Variants in SYNGR4 observed in about 807,000 individuals in gnomAD.
SYNGR4 encodes synaptogyrin-4.
A neutral mutation model predicts 15.5 loss-of-function variants in SYNGR4; 15 were observed. That is an observed-to-expected ratio of 0.97 (90% confidence interval 0.65 to 1.49). SYNGR4 has a LOEUF of 1.49. Among genes scored for constraint, SYNGR4 ranks in the 40% most tolerant of loss-of-function variants. SYNGR4 has a pLI of 0.00. For synonymous variants in SYNGR4, 121 were observed against 127.4 expected (o/e 0.95, Z 0.34); for missense variants, 292 against 299.3 (o/e 0.98, Z 0.18).
intron 2 of SYNGR4, chr19:48,373,189 T>G: frequency 9.4e-6 from 3 of 319,662 alleles, no homozygotes; most frequent in Non-Finnish European, 6.1e-6. Flanking sequence ...TGGGGAGCCA[T>G]GAGGGGCTGT....
chr19:48,369,999 G>C (rs985817782), intron 2 of SYNGR4, among the ~76,000 whole-genome samples: 1 of 152,178 alleles, frequency 6.6e-6, no homozygotes, highest in Non-Finnish European at 1.5e-5. Flanking sequence ...GGGTGTTGCT[G>C]CTGTTGTTGT....
rs113410208 is a variant in SYNGR4, at chr19:48,365,277, A to ACCCCCCC, written c.-107-459_-107-458insCCCCCCC. ...CACCACACACAACCCCATTCCTGGG[A>ACCCCCCC]ACCCCCAGCACCCGCATCCTATGTC... On this transcript the variant is annotated intron_variant, in intron 1 of 4. Transcript: ENST00000344846. Among the ~76,000 whole-genome samples, 3 of 91,040 alleles carry ACCCCCCC rather than the reference A, an allele frequency of 3.3e-5. 1 individual carries two copies. The highest frequency in any genetic ancestry group is 6.1e-5 in the Non-Finnish European group (3 of 48,880). The allele number at this position is 91,040 out of a possible 152,430, so 59.7% of individuals were successfully genotyped here. A position where few individuals can be genotyped will look rare whatever the true frequency, so the allele number is the denominator to read the frequency against.
intron 2 of SYNGR4, among the ~76,000 whole-genome samples, chr19:48,366,215 A>T (rs931423118): frequency 3.3e-5 from 5 of 151,578 alleles, no homozygotes; most frequent in African/African-American, 9.7e-5. Context: ...AGTTAAGTAA[A>T]TTTTTTTTCT....
chr19:48,364,892 C>T (rs1295746886), intron 1 of SYNGR4, among the ~76,000 whole-genome samples: 4 of 151,958 alleles, frequency 2.6e-5, no homozygotes, highest in African/African-American at 9.7e-5. Context: ...GGTCACAAGA[C>T]GTGGTCCCCA....
chr19:48,366,878 G>T (rs372616646), intron 2 of SYNGR4, among the ~76,000 whole-genome samples: 42 of 152,142 alleles, frequency 2.8e-4, no homozygotes, highest in African/African-American at 9.4e-4. Flanking sequence ...TACAGGCTGG[G>T]TGTGGTGGTT....
In SYNGR4 at chr19:48,365,900, A is replaced by G. The variant is rs751537752; in HGVS notation, c.58A>G (p.Arg20Gly). ...LANSEAVQFL[R>G]RPKTITRVFE... ...CAACAGCGAAGCCGTGCAGTTTCTG[A>G]GAAGGCCCAAGACCATCACGCGGGT... Residue 20 changes from arginine (R) to glycine (G), a missense_variant, in exon 2 of 5, where the codon AGA becomes GGA. Transcript: ENST00000344846. 10 of 1,613,916 alleles carry G rather than the reference A, an allele frequency of 6.2e-6. No homozygotes were observed. In the Admixed American group the frequency reaches 1.2e-4, roughly 19 times the overall value.
chr19:48,375,626 T>C lies in SYNGR4; in HGVS notation c.345T>C (p.Val115=), dbSNP rs761579369. 234 of 1,613,650 alleles carry C rather than the reference T, an allele frequency of 1.5e-4. No individual in the cohort carries two copies. Among genetic ancestry groups the C allele is most frequent in the Non-Finnish European group, 1.9e-4 (228 of 1,179,720 alleles). The change falls in exon 4 of 5, where the codon GTT becomes GTC. Residue 115 remains valine, a synonymous_variant. Coordinates refer to ENST00000344846, the MANE Select transcript of SYNGR4 (RefSeq NM_012451.4). ...LDFILAVLWA[V]VWFMGFCFLA... The stretch of plus-strand genomic sequence containing the variant: ...GTGACGCCACAGTTCTCTGGGCAGT[T>C]GTCTGGTTCATGGGTTTCTGCTTCC...
intron 2 of SYNGR4, among the ~76,000 whole-genome samples, chr19:48,368,577 A>G (rs2147403359): frequency 6.6e-6 from 1 of 152,212 alleles, no homozygotes; most frequent in Non-Finnish European, 1.5e-5. Context: ...ATGGGGTTTC[A>G]CCATGTTGGC....
In SYNGR4 at chr19:48,373,555, CG is replaced by C. The variant is rs745700005; in HGVS notation, c.134del (p.Gly45AlafsTer143). On this transcript the variant is annotated frameshift_variant, in exon 3 of 5. Coordinates refer to ENST00000344846, the MANE Select transcript of SYNGR4 (RefSeq NM_012451.4). LOFTEE classifies it high-confidence loss of function. ...LIVFSSLLTD[G>X]YQNKMESPQL... ...TCGTCTTCTCCTCCCTGCTGACCGA[CG>C]GCTACCAGAACAAGATGGAGTCTCC... 26 of 1,613,718 alleles carry C rather than the reference CG, an allele frequency of 1.6e-5. No individual in the cohort carries two copies. The highest frequency in any genetic ancestry group is 1.2e-4 in the Admixed American group (7 of 59,998).
chr19:48,370,243 T>A (rs1264889314), intron 2 of SYNGR4, among the ~76,000 whole-genome samples: 1 of 152,112 alleles, frequency 6.6e-6, no homozygotes, highest in African/African-American at 2.4e-5. Flanking sequence ...CCCAACACTT[T>A]GGGAGGCCAA....
Position 48,376,310 on chromosome 19 carries a change from G to A in SYNGR4, c.697G>A (p.Asp233Asn). 6.2e-7 allele frequency: 1 copy of A among 1,612,588 alleles called. No homozygotes were observed. The highest frequency in any genetic ancestry group is 8.5e-7 in the Non-Finnish European group (1 of 1,179,608). Residue 233 changes from aspartate to asparagine, a missense_variant, in exon 5 of 5, where the codon GAC becomes AAC. Coordinates refer to ENST00000344846, the MANE Select transcript of SYNGR4 (RefSeq NM_012451.4). ...GTCCCCCCGGCTTGCTATGATGCCT[G>A]ACAACTAAATATCCTTATCCAAATC... Reference protein sequence around the residue: ...PKSPRLAMMPDN With the variant: ...PKSPRLAMMPNN
intron 4 of SYNGR4, 42 bp from the exon 5 acceptor site, chr19:48,376,043 C>T (rs1462001795): frequency 6.2e-7 from 1 of 1,613,820 alleles, no homozygotes. Flanking sequence ...CCTGACCTGC[C>T]CAGCCCAAGT....
At chr19:48,372,518 C>T (rs1401387357) in intron 2 of SYNGR4, among the ~76,000 whole-genome samples, 2 of 151,398 alleles carry the variant, frequency 1.3e-5, no homozygotes, top group Non-Finnish European at 1.5e-5. Context: ...GGCATGGTGG[C>T]GGGTGCCTGT....
In SYNGR4 at chr19:48,364,431, C is replaced by G. The variant is rs1970154303; in HGVS notation, c.-214C>G. 6.3e-6 allele frequency: 1 copy of G among 158,744 alleles called. No individual in the cohort carries two copies. 9.8% of individuals were successfully genotyped at this position (158,744 alleles called of 1,614,324 possible). ...AGGAAGGGCGGGCCCTCAGGTGACG[C>G]AGATTGGCCCTCCAGAGAAGGGGCG... On this transcript the variant is annotated 5_prime_UTR_variant, in exon 1 of 5. Coordinates refer to ENST00000344846, the MANE Select transcript of SYNGR4 (RefSeq NM_012451.4).
intron 2 of SYNGR4, among the ~76,000 whole-genome samples, chr19:48,367,594 G>A (rs945644633): frequency 3.3e-5 from 5 of 152,248 alleles, no homozygotes; most frequent in South Asian, 2.1e-4. Context: ...CCAGTTGAGG[G>A]AGGAGGAGAA....
chr19:48,375,174 C>T (rs1227618497), intron 3 of SYNGR4, among the ~76,000 whole-genome samples: 13 of 151,814 alleles, frequency 8.6e-5, no homozygotes, highest in Admixed American at 7.2e-4. Context: ...TACAGGTGCC[C>T]GCCACCGTGC....
chr19:48,366,366 G>A (rs1437854453), intron 2 of SYNGR4, among the ~76,000 whole-genome samples: 1 of 150,274 alleles, frequency 6.7e-6, no homozygotes, highest in Non-Finnish European at 1.5e-5. Context: ...CTCCAGCCCA[G>A]GCAACAGAGC....
At position 48,375,615 on chromosome 19, in the gene SYNGR4, C is replaced by G; in HGVS notation, c.334C>G (p.Leu112Val). 1.9e-6 allele frequency: 3 copies of G among 1,613,172 alleles called. No individual in the cohort carries two copies. Among genetic ancestry groups the G allele is most frequent in the Non-Finnish European group, 2.5e-6 (3 of 1,179,276 alleles). ...FQLLDFILAV[L>V]WAVVWFMGFC... is the part of the protein sequence containing the mutation. ...TTTCTCTCCCTGTGACGCCACAGTT[C>G]TCTGGGCAGTTGTCTGGTTCATGGG... is the stretch of plus-strand genomic sequence containing the variant. The change falls in exon 4 of 5, where the codon CTC (leucine) becomes GTC (valine). Residue 112 changes from leucine to valine, a missense_variant and splice_region_variant. Leu to Val is a conservative substitution (Grantham distance 32, BLOSUM62 1). Transcript: ENST00000344846.
At position 48,373,640 on chromosome 19, in the gene SYNGR4, G is replaced by C. The variant is rs151247557; in HGVS notation, c.217G>C (p.Gly73Arg). Residue 73 changes from glycine to arginine, a missense_variant, in exon 3 of 5, where the codon GGC (glycine) becomes CGC (arginine). Physicochemically the swap from Gly to Arg is moderately radical, Grantham distance 125 (BLOSUM62 -2). Coordinates refer to ENST00000344846, the MANE Select transcript of SYNGR4 (RefSeq NM_012451.4). ...SVACSFAVGA[G>R]FLAFLSCLAF... Reference sequence around the variant, plus strand: ...GGCCTGCAGCTTTGCCGTGGGAGCCGGCTTCCTGGCCTTCCTCAGCTGCCT... The same window carrying C: ...GGCCTGCAGCTTTGCCGTGGGAGCCCGCTTCCTGGCCTTCCTCAGCTGCCT... The C allele has an allele frequency of 6.2e-7, 1 of 1,613,750 alleles. No individual in the cohort carries two copies. The highest frequency in any genetic ancestry group is 1.7e-5 in the Admixed American group (1 of 60,012).
Sources: gnomAD v4.1 joint callset for allele counts (sites outside exome capture counted in the v4.1 genomes callset) on GRCh38, gnomAD v4.1.1 for gene constraint, MANE v1.5 for transcripts, NCBI Gene and HGNC (gene_info 2026-07-23, HGNC 2026-07-21) for gene names.